PIEZO2: variants seen among roughly 807,000 people sequenced by gnomAD.
PIEZO2 encodes the protein piezo type mechanosensitive ion channel component 2, also known as piezo-type mechanosensitive ion channel component 2.
Under a neutral mutation model 337.3 loss-of-function variants are expected in PIEZO2, and 172 were observed. The observed-to-expected ratio is 0.51, with a 90% CI of 0.45 to 0.58. The LOEUF is 0.58. Ranked by LOEUF, PIEZO2 falls within the 20% of genes least tolerant of loss-of-function variation. The pLI is 0.00. For synonymous variants in PIEZO2, 1,251 were observed against 1,228.5 expected, an observed-to-expected ratio of 1.02 and a Z score of -0.38; for missense variants, 3,028 against 3,391.3, an observed-to-expected ratio of 0.89 and a Z score of 2.66.
chr18:10,871,106 A>G (rs1298836965), intron 5 of PIEZO2, 147 bp downstream of exon 5: 7 of 834,262 alleles, frequency 8.4e-6, no homozygotes, highest in African/African-American at 1.7e-5. Flanking sequence ...CGAGGGTGTC[A>G]TGCAATTTGA....
Position 10,773,361 on chromosome 18 carries a change from C to T in PIEZO2, c.2785+51G>A. On this transcript the variant is annotated intron_variant, in intron 20 of 55. Transcript: ENST00000674853. The surrounding 1 kb of genome is among the most constrained non-coding windows in gnomAD (Gnocchi z 5.3). ...GGAGCAAGTCAATGTTTCCTTCACT[C>T]AGTCTGACAGCCAGCGTTCTCTGAC... 1 of 1,491,852 alleles carries T rather than the reference C, an allele frequency of 6.7e-7. No individual in the cohort carries two copies. Among genetic ancestry groups the T allele is most frequent in the South Asian group, 1.2e-5 (1 of 83,054 alleles). The allele number at this position is 1,491,852 out of a possible 1,614,324, so 92.4% of individuals were successfully genotyped here.
chr18:11,118,979 A>G lies in PIEZO2; in HGVS notation c.64+29546T>C, dbSNP rs79936841. On this transcript the variant is annotated intron_variant, in intron 1 of 55. Transcript: ENST00000674853. ...CACTTATATCCTGTCGTGTAGTTAC[A>G]TTATTCTTGCAGTTTCCCTAGTAGA... 3.6e-3 allele frequency among the ~76,000 whole-genome samples: 545 copies of G among 152,322 alleles called. 1 individual carries two copies. The highest frequency in any genetic ancestry group is 0.013 in the African/African-American group (538 of 41,574).
At chr18:10,725,065 C>T (rs1015094757) in intron 36 of PIEZO2, 30 of 1,540,660 alleles carry the variant, frequency 1.9e-5, no homozygotes, top group African/African-American at 9.5e-5. Flanking sequence ...CAACGTGGAC[C>T]GTGAGGGAGA....
rs1231090377 is a variant in PIEZO2 at position 11,070,318 on chromosome 18, C to A, written c.65-4096G>T. Among the ~76,000 whole-genome samples, 1 of 152,262 alleles carries A rather than the reference C, an allele frequency of 6.6e-6. No individual in the cohort carries two copies. The highest frequency in any genetic ancestry group is 2.4e-5 in the African/African-American group (1 of 41,536). On this transcript the variant is annotated intron_variant, in intron 1 of 55. Transcript: ENST00000674853. The surrounding 1 kb of genome is among the most constrained non-coding windows in gnomAD (Gnocchi z 4.3). The stretch of plus-strand genomic sequence containing the variant: ...CTATAATCTTAGGGGACCAACCCCA[C>A]AGACTGTCAACATTCCTGCTCGGTG...
In PIEZO2 at chr18:10,702,157, G is replaced by A; in HGVS notation, c.6273C>T (p.Val2091=). The A allele has an allele frequency of 6.5e-7, 1 of 1,536,516 alleles. No homozygotes were observed. The highest frequency in any genetic ancestry group is 8.7e-7 in the Non-Finnish European group (1 of 1,146,714). The part of the protein sequence containing the change: ...AIVYTEVAIV[V]KYFFQFGFFP... Reference sequence around the variant, plus strand: ...AGAACCCAAATTGGAAGAAATACTTGACTACAATTGCCACCTACGCACAGA... The same window carrying A: ...AGAACCCAAATTGGAAGAAATACTTAACTACAATTGCCACCTACGCACAGA... The change falls in exon 43 of 56, where the codon GTC becomes GTT. Residue 2091 remains valine, a synonymous_variant. Transcript: ENST00000674853.
rs1230449086 is a variant in PIEZO2 at position 10,980,249 on chromosome 18, A to T, written c.161-589T>A. On this transcript the variant is annotated intron_variant, in intron 2 of 55. Transcript: ENST00000674853. The surrounding 1 kb of genome is among the most constrained non-coding windows in gnomAD (Gnocchi z 4.8). Reference sequence around the variant, plus strand: ...CTAAAAGTATAGTTAACATTAACAAATCAATAAGTATAATTCACACACTAG... The same window carrying T: ...CTAAAAGTATAGTTAACATTAACAATTCAATAAGTATAATTCACACACTAG... 6.6e-6 allele frequency among the ~76,000 whole-genome samples: 1 copy of T among 152,202 alleles called. No homozygotes were observed. Among genetic ancestry groups the T allele is most frequent in the African/African-American group, 2.4e-5 (1 of 41,460 alleles).
rs2034637897 is a variant in PIEZO2 at position 10,688,168 on chromosome 18, C to T, written c.7497+1487G>A. On this transcript the variant is annotated intron_variant, in intron 49 of 55. Transcript: ENST00000674853. ...CTATCCCTCCCCTTGCCCCCTACCC[C>T]CTGACAGGCCCTGGTGTGTGATGTT... Among the ~76,000 whole-genome samples the T allele has an allele frequency of 2.0e-5, 3 of 152,022 alleles. No homozygotes were observed. The South Asian group carries it at 6.2e-4, about 32-fold the overall frequency.
chr18:10,693,099 A>G (rs755805224), intron 47 of PIEZO2, among the ~76,000 whole-genome samples: 1 of 152,158 alleles, frequency 6.6e-6, no homozygotes, highest in Non-Finnish European at 1.5e-5. Flanking sequence ...TACATGTTTT[A>G]TCATATTTAT....
At chr18:10,723,399 G>T (rs1261386291) in intron 36 of PIEZO2, among the ~76,000 whole-genome samples, 3 of 152,182 alleles carry the variant, frequency 2.0e-5, no homozygotes, top group African/African-American at 7.2e-5. Context: ...ATTTAAGAGA[G>T]AACGGGAAAG....
chr18:10,804,393 G>A (rs1284484123), intron 8 of PIEZO2, among the ~76,000 whole-genome samples: 2 of 152,212 alleles, frequency 1.3e-5, no homozygotes, highest in Non-Finnish European at 2.9e-5. Flanking sequence ...TGTATTGAAG[G>A]CAGAATCATC....
At position 10,943,960 on chromosome 18, in the gene PIEZO2, T is replaced by A. The variant is rs2032865119; in HGVS notation, c.287-32732A>T. Among the ~76,000 whole-genome samples the A allele has an allele frequency of 6.6e-6, 1 of 152,138 alleles. No homozygotes were observed. Among genetic ancestry groups the A allele is most frequent in the South Asian group, 2.1e-4 (1 of 4,826 alleles). Reference sequence around the variant, plus strand: ...CTCTTTGCCTGCTGCCATCCACGTATGATGTGACTTCCTCCTACTTGCCTT... The same window carrying A: ...CTCTTTGCCTGCTGCCATCCACGTAAGATGTGACTTCCTCCTACTTGCCTT... On this transcript the variant is annotated intron_variant, in intron 3 of 55. Coordinates refer to ENST00000674853, the MANE Select transcript of PIEZO2 (RefSeq NM_001378183.1). This position sits in a 1 kb window ranked among gnomAD's most constrained non-coding sequence, Gnocchi z 4.5.
In PIEZO2 at chr18:11,096,996, C is replaced by T. The variant is rs552357563; in HGVS notation, c.65-30774G>A. ...GAAAGATTTAAATGCCTAACGCCAG[C>T]AAGGCTTTTCCTCTAGGACACTGTC... On this transcript the variant is annotated intron_variant, in intron 1 of 55. Coordinates refer to ENST00000674853, the MANE Select transcript of PIEZO2 (RefSeq NM_001378183.1). This position sits in a 1 kb window ranked among gnomAD's most constrained non-coding sequence, Gnocchi z 4.6. Among the ~76,000 whole-genome samples, 23 of 152,290 alleles carry T rather than the reference C, an allele frequency of 1.5e-4. No homozygotes were observed. The highest frequency in any genetic ancestry group is 5.3e-4 in the African/African-American group (22 of 41,560).
At chr18:10,998,869 A>G (rs907778354) in intron 2 of PIEZO2, among the ~76,000 whole-genome samples, 1 of 151,634 alleles carries the variant, frequency 6.6e-6, no homozygotes, top group Non-Finnish European at 1.5e-5. Flanking sequence ...AGCAAAAAAA[A>G]AAAAAAAAAA....
At chr18:11,071,793 AG>A (rs1294024021) in intron 1 of PIEZO2, among the ~76,000 whole-genome samples, 4 of 152,178 alleles carry the variant, frequency 2.6e-5, no homozygotes, top group African/African-American at 9.7e-5. Flanking sequence ...GTGCAAGCAG[AG>A]GCCTCCAGGA....
chr18:10,763,856 C>T (rs1377217432), intron 21 of PIEZO2, among the ~76,000 whole-genome samples: 1 of 152,186 alleles, frequency 6.6e-6, no homozygotes, highest in Non-Finnish European at 1.5e-5. Context: ...GGCGCGGATT[C>T]AACATGGGAG....
At chr18:11,019,943 G>A (rs377301085) in intron 2 of PIEZO2, among the ~76,000 whole-genome samples, 1 of 152,302 alleles carries the variant, frequency 6.6e-6, no homozygotes, top group Non-Finnish European at 1.5e-5. Context: ...AGTACTGGAG[G>A]CTGTGCCGAG....
In PIEZO2 at chr18:10,767,930, G is replaced by A. The variant is rs1019372796; in HGVS notation, c.2946+2218C>T. On this transcript the variant is annotated intron_variant, in intron 21 of 55. Coordinates refer to ENST00000674853, the MANE Select transcript of PIEZO2 (RefSeq NM_001378183.1). This position sits in a 1 kb window ranked among gnomAD's most constrained non-coding sequence, Gnocchi z 4.2. ...TACCCGCCAGTTGCCAGCCCAGAGCGTGAGGCCATCATGGGATGGCACAGG... is the reference window on the plus strand; with the variant it reads ...TACCCGCCAGTTGCCAGCCCAGAGCATGAGGCCATCATGGGATGGCACAGG... 2.6e-5 allele frequency among the ~76,000 whole-genome samples: 4 copies of A among 152,208 alleles called. No homozygotes were observed. The highest frequency in any genetic ancestry group is 1.9e-4 in the East Asian group (1 of 5,182).
chr18:10,726,542 A>G lies in PIEZO2; in HGVS notation c.5029+4865T>C, dbSNP rs535987176. On this transcript the variant is annotated intron_variant, in intron 36 of 55. Transcript: ENST00000674853. This position sits in a 1 kb window ranked among gnomAD's most constrained non-coding sequence, Gnocchi z 5.9. ...GCGCGCTGCGCTGCTCTGCTCTGCT[A>G]CACCAGCCGCCACGCTGTGCGTCTG... is the stretch of plus-strand genomic sequence containing the variant. The G allele has an allele frequency of 2.2e-4, 318 of 1,431,690 alleles. 1 individual carries two copies. Among genetic ancestry groups the G allele is most frequent in the Non-Finnish European group, 2.9e-4 (312 of 1,082,584 alleles). 88.7% of individuals were successfully genotyped at this position (1,431,690 alleles called of 1,614,324 possible).
At chr18:10,789,476 T>C (rs750342998) in intron 14 of PIEZO2, 111 bp from the exon 15 acceptor site, 74 of 1,283,380 alleles carry the variant, frequency 5.8e-5, no homozygotes, top group Admixed American at 3.6e-4. Flanking sequence ...AGTTATTGTA[T>C]AATTTGGATG....
Sources: gnomAD v4.1 joint callset for allele counts (sites outside exome capture counted in the v4.1 genomes callset) on GRCh38, gnomAD v4.1.1 for gene constraint, Gnocchi (gnomAD v3.1) non-coding constraint, MANE v1.5 for transcripts, NCBI Gene and HGNC (gene_info 2026-07-23, HGNC 2026-07-21) for gene names.